Variants in ARHGAP22 observed in about 807,000 individuals in gnomAD.
The protein encoded by ARHGAP22 is rho GTPase-activating protein 22.
In ARHGAP22, 48 loss-of-function variants were observed where a neutral mutation model predicts 59.1. That is an observed-to-expected ratio of 0.81 (90% CI 0.64 to 1.03). The LOEUF (loss-of-function observed/expected upper bound fraction) is 1.03, where lower values mean the gene tolerates loss of function less well. Among genes scored for constraint, ARHGAP22 ranks in the 50% least tolerant of loss-of-function variants. The probability of loss-of-function intolerance (pLI) is 0.00; values close to 1 mark genes in which losing one functional copy is unlikely to be tolerated. For synonymous variants in ARHGAP22, 445 were observed against 416.4 expected (o/e 1.07, Z -0.84); for missense variants, 1,015 against 958.7 (o/e 1.06, Z -0.78).
Position 48,577,807 on chromosome 10 carries a change from T to C in ARHGAP22, c.234+5146A>G, listed in dbSNP as rs1490826902. Among the ~76,000 whole-genome samples the C allele has an allele frequency of 2.8e-4, 31 of 111,558 alleles. 1 individual carries two copies. Among genetic ancestry groups the C allele is most frequent in the South Asian group, 7.9e-4 (2 of 2,540 alleles). The allele number at this position is 111,558 out of a possible 152,430, so 73.2% of individuals were successfully genotyped here. On this transcript the variant is annotated intron_variant, in intron 2 of 9. Coordinates refer to ENST00000249601, the MANE Select transcript of ARHGAP22 (RefSeq NM_021226.4). ...ATCTAACTGCTCTTTTTTGGTTTTT[T>C]TTTTTTTTTTTTTTTTTTTTTTGGA...
At chr10:48,433,640 G>C in the ARHGAP22 span, among the ~76,000 whole-genome samples, 1 of 152,136 alleles carries the variant, frequency 6.6e-6, no homozygotes, top group South Asian at 2.1e-4. Context: ...ATTCCTTTCT[G>C]TATCCCAGTC....
chr10:48,548,597 G>A (rs2056655050), intron 3 of ARHGAP22, among the ~76,000 whole-genome samples: 1 of 152,160 alleles, frequency 6.6e-6, no homozygotes, highest in Non-Finnish European at 1.5e-5. Flanking sequence ...TTTTTGCCCA[G>A]AGTGCCAAAG....
chr10:48,585,630 C>G (rs2059383374), intron 1 of ARHGAP22, among the ~76,000 whole-genome samples: 1 of 152,208 alleles, frequency 6.6e-6, no homozygotes, highest in Non-Finnish European at 1.5e-5. Context: ...GGCCTCATCT[C>G]TTCTCTCTGG....
chr10:48,549,951 C>A (rs1234436168), intron 3 of ARHGAP22, among the ~76,000 whole-genome samples: 1 of 152,202 alleles, frequency 6.6e-6, no homozygotes, highest in East Asian at 1.9e-4. Flanking sequence ...TCTCCTGCCA[C>A]AGAGGACAAC....
chr10:48,481,007 C>A (rs1319236368), intron 3 of ARHGAP22, among the ~76,000 whole-genome samples: 1 of 152,234 alleles, frequency 6.6e-6, no homozygotes, highest in African/African-American at 2.4e-5. Flanking sequence ...GGGGGAGAGG[C>A]CGTGGGGCCC....
downstream of ARHGAP22, chr10:48,444,047 T>C (rs4838591): frequency 0.32 from 48,832 of 152,056 alleles, 7,907 homozygotes; most frequent in South Asian, 0.4. Flanking sequence ...AATCCCAGAT[T>C]CTTCCCATTT....
chr10:48,433,724 G>C, the ARHGAP22 span, among the ~76,000 whole-genome samples: 1 of 152,160 alleles, frequency 6.6e-6, no homozygotes, highest in East Asian at 1.9e-4. Context: ...GCTCACAGAA[G>C]ACTTTTCATA....
At chr10:48,513,376 C>G (rs1298435034) in intron 3 of ARHGAP22, among the ~76,000 whole-genome samples, 1 of 152,206 alleles carries the variant, frequency 6.6e-6, no homozygotes, top group Non-Finnish European at 1.5e-5. Flanking sequence ...CTCTGTCTCT[C>G]ATCTCTGGCT....
chr10:48,441,484 C>T (rs1344081779), downstream of ARHGAP22, among the ~76,000 whole-genome samples: 2 of 148,624 alleles, frequency 1.3e-5, no homozygotes, highest in African/African-American at 5.0e-5. Flanking sequence ...CAGAGTCTCG[C>T]TCTGTCACCC....
intron 3 of ARHGAP22, among the ~76,000 whole-genome samples, chr10:48,489,715 C>T (rs2050181068): frequency 6.7e-6 from 1 of 148,838 alleles, no homozygotes; most frequent in South Asian, 2.1e-4. Context: ...ACATGACAGA[C>T]TTCTGAGGCT....
intron 1 of ARHGAP22, among the ~76,000 whole-genome samples, chr10:48,633,902 C>T (rs540597961): frequency 7.2e-4 from 109 of 152,264 alleles, no homozygotes; most frequent in African/African-American, 2.4e-3. Flanking sequence ...AAGCTGGCTG[C>T]GGGATGCCCT....
intron 2 of ARHGAP22, among the ~76,000 whole-genome samples, chr10:48,582,525 A>C (rs916158370): frequency 6.6e-6 from 1 of 152,164 alleles, no homozygotes; most frequent in African/African-American, 2.4e-5. Flanking sequence ...GGACACAGAA[A>C]CCCTATGCAG....
chr10:48,504,988 T>C (rs2051939109), intron 3 of ARHGAP22, among the ~76,000 whole-genome samples: 2 of 152,254 alleles, frequency 1.3e-5, no homozygotes, highest in African/African-American at 4.8e-5. Flanking sequence ...AAGCAAGCAA[T>C]GGGGAGAGGG....
chr10:48,645,539 A>C (rs201013995), intron 1 of ARHGAP22, among the ~76,000 whole-genome samples: 1 of 152,326 alleles, frequency 6.6e-6, no homozygotes, highest in East Asian at 1.9e-4. Flanking sequence ...TAAAGGACAA[A>C]ACCCATATAA....
At chr10:48,599,634 C>A (rs11814674) in intron 1 of ARHGAP22, among the ~76,000 whole-genome samples, 7,374 of 152,276 alleles carry the variant, frequency 0.048, 571 homozygotes, top group African/African-American at 0.16. Flanking sequence ...CCACCACACA[C>A]CTTTGTATCC....
chr10:48,594,586 C>G (rs2059954477), intron 1 of ARHGAP22, among the ~76,000 whole-genome samples: 1 of 152,150 alleles, frequency 6.6e-6, no homozygotes, highest in Non-Finnish European at 1.5e-5. Context: ...GTCCTTCCAA[C>G]AGTCTTCCCA....
intron 1 of ARHGAP22, among the ~76,000 whole-genome samples, chr10:48,634,082 G>A (rs897164774): frequency 1.3e-5 from 2 of 152,214 alleles, no homozygotes; most frequent in African/African-American, 4.8e-5. Flanking sequence ...CCTGTTGAGA[G>A]AAGCCAGTTT....
intron 3 of ARHGAP22, among the ~76,000 whole-genome samples, chr10:48,514,663 C>T (rs56341087): frequency 0.025 from 3,842 of 152,170 alleles, 185 homozygotes; most frequent in African/African-American, 0.087. Context: ...ATGAAGAGCA[C>T]ATATATAGTT....
In ARHGAP22 at chr10:48,554,200, A is replaced by G. The variant is rs539442454; in HGVS notation, c.322+1263T>C. On this transcript the variant is annotated intron_variant, in intron 3 of 9. Transcript: ENST00000249601. Reference sequence around the variant, plus strand: ...TTGGAAAGGGTGTTTCTGCACTTCAACTTTTGCCTGTGCCCCTGCGAACTC... The same window carrying G: ...TTGGAAAGGGTGTTTCTGCACTTCAGCTTTTGCCTGTGCCCCTGCGAACTC... 3.9e-5 allele frequency among the ~76,000 whole-genome samples: 6 copies of G among 152,310 alleles called. No individual in the cohort carries two copies. The East Asian group carries it at 1.2e-3, about 29-fold the overall frequency.
Sources: allele counts gnomAD v4.1 joint callset (sites outside exome capture counted in the v4.1 genomes callset), GRCh38; gene constraint gnomAD v4.1.1; transcripts MANE v1.5; gene names NCBI Gene and HGNC (gene_info 2026-07-23, HGNC 2026-07-21).